The following SRSF10 variants were observed in gnomAD, a reference collection of about 807,000 sequenced individuals.
The protein encoded by SRSF10 is serine/arginine-rich splicing factor 10.
A neutral mutation model predicts 32.6 loss-of-function variants in SRSF10; 9 were observed. The observed-to-expected ratio is 0.28, with a 90% CI of 0.17 to 0.48. The LOEUF is 0.48. Ranked by LOEUF, SRSF10 falls within the 20% of genes least tolerant of loss-of-function variation. The pLI is 0.99. For missense variants in SRSF10, 201 were observed against 331.8 expected (o/e 0.61, Z 3.06); for synonymous variants, 105 against 112.4 (o/e 0.93, Z 0.42).
chr1:23,967,428 A>C lies in SRSF10; in HGVS notation c.*3714T>G, dbSNP rs1416891987. ...ACCTGTTACCCATGAATCAATATAA[A>C]CCTATTCATATTTAGGGATTAGTTT... On this transcript the variant is annotated 3_prime_UTR_variant, in exon 6 of 6. Coordinates refer to ENST00000492112, the MANE Select transcript of SRSF10 (RefSeq NM_054016.4). 2 of 451,846 alleles carry C rather than the reference A, an allele frequency of 4.4e-6. No homozygotes were observed. Among genetic ancestry groups the C allele is most frequent in the African/African-American group, 3.9e-5 (2 of 51,388 alleles). The allele number at this position is 451,846 out of a possible 1,614,324, so 28.0% of individuals were successfully genotyped here.
chr1:23,966,420 A>G lies in SRSF10; in HGVS notation c.*4722T>C, dbSNP rs1256306221. ...ATAGGTAAAGAAACATCATATCCTA[A>G]TAAGAAACTAAGGAATCCAAAACAT... On this transcript the variant is annotated 3_prime_UTR_variant, in exon 6 of 6. Coordinates refer to ENST00000492112, the MANE Select transcript of SRSF10 (RefSeq NM_054016.4). The G allele has an allele frequency of 2.6e-5, 4 of 152,140 alleles. No homozygotes were observed. The highest frequency in any genetic ancestry group is 6.5e-5 in the Admixed American group (1 of 15,282). The allele number at this position is 152,140 out of a possible 1,614,324, so 9.4% of individuals were successfully genotyped here. A position where few individuals can be genotyped will look rare whatever the true frequency, so the allele number is the denominator to read the frequency against.
intron 1 of SRSF10, among the ~76,000 whole-genome samples, 173 bp downstream of exon 1, chr1:23,980,018 C>G (rs1182019820): frequency 7.2e-5 from 11 of 152,350 alleles, no homozygotes; most frequent in Non-Finnish European, 1.5e-4. Flanking sequence ...GCCGCCCTCG[C>G]TCCCACGCGG....
intron 1 of SRSF10, chr1:23,979,057 G>GTTTTTTTTTTTTTTTTTTTTTTT (rs71655401): frequency 7.5e-6 from 1 of 133,982 alleles, no homozygotes; most frequent in Non-Finnish European, 1.6e-5. Context: ...TATAAGCCTT[G>GTTTTTTTTTTTTTTTTTTTTTTT]TTTTTTTTTT....
rs1172098199 is a variant in SRSF10, at chr1:23,970,503, G to A, written c.*639C>T. 3 of 503,250 alleles carry A rather than the reference G, an allele frequency of 6.0e-6. No homozygotes were observed. Among genetic ancestry groups the A allele is most frequent in the Non-Finnish European group, 7.7e-6 (3 of 390,138 alleles). 31.2% of individuals were successfully genotyped at this position (503,250 alleles called of 1,614,324 possible). ...AGCCTCCTGAGTAGCTGAGATTACAGGCATGTGCCACCATGCCCGGATAAT... is the reference window on the plus strand; with the variant it reads ...AGCCTCCTGAGTAGCTGAGATTACAAGCATGTGCCACCATGCCCGGATAAT... On this transcript the variant is annotated 3_prime_UTR_variant, in exon 6 of 6. Coordinates refer to ENST00000492112, the MANE Select transcript of SRSF10 (RefSeq NM_054016.4).
chr1:23,970,110 G>C lies in SRSF10; in HGVS notation c.*1032C>G. ...GGTCAACAACGCTCCTTAAACTTTA[G>C]AATAACTACATAAGAATATTCCTTT... On this transcript the variant is annotated 3_prime_UTR_variant, in exon 6 of 6. Transcript: ENST00000492112. The C allele has an allele frequency of 1.0e-6, 1 of 985,316 alleles. No homozygotes were observed. The highest frequency in any genetic ancestry group is 1.2e-6 in the Non-Finnish European group (1 of 829,880). 61.0% of individuals were successfully genotyped at this position (985,316 alleles called of 1,614,324 possible). A position where few individuals can be genotyped will look rare whatever the true frequency, so the allele number is the denominator to read the frequency against.
chr1:23,971,872 T>C lies in SRSF10; in HGVS notation c.415A>G (p.Arg139Gly). Residue 139 changes from arginine (R) to glycine (G), a missense_variant, in exon 4 of 6, where the codon AGA (arginine) becomes GGA (glycine). Arg to Gly is a moderately radical substitution (Grantham distance 125). Coordinates refer to ENST00000492112, the MANE Select transcript of SRSF10 (RefSeq NM_054016.4). Reference protein sequence around the residue: ...SRSRSFDYNYRRSYSPRNSRP... With the variant: ...SRSRSFDYNYGRSYSPRNSRP... ...TACTTTCTAGGACTATACGATCTTC[T>C]ATAGTTGTAATCAAAAGACCGACTT... is the stretch of plus-strand genomic sequence containing the variant. 7 of 1,609,262 alleles carry C rather than the reference T, an allele frequency of 4.3e-6. No homozygotes were observed. Among genetic ancestry groups the C allele is most frequent in the Non-Finnish European group, 5.9e-6 (7 of 1,178,624 alleles).
Position 23,969,746 on chromosome 1 carries a change from T to G in SRSF10, c.*1396A>C. On this transcript the variant is annotated 3_prime_UTR_variant, in exon 6 of 6. Transcript: ENST00000492112. ...ATTATAAATGGTTTAAGGGTATTAC[T>G]TCATTTTTAGTCAGGTACTACACTG... 1.0e-6 allele frequency: 1 copy of G among 985,394 alleles called. No individual in the cohort carries two copies. Among genetic ancestry groups the G allele is most frequent in the Non-Finnish European group, 1.2e-6 (1 of 829,860 alleles). The allele number at this position is 985,394 out of a possible 1,614,324, so 61.0% of individuals were successfully genotyped here.
chr1:23,970,938 G>A lies in SRSF10; in HGVS notation c.*204C>T. On this transcript the variant is annotated 3_prime_UTR_variant, in exon 6 of 6. Transcript: ENST00000492112. ...TATACAGAGACACCACAAATTGGTA[G>A]CTGCCCATAACATTAAACAAACTGG... 1 of 1,267,682 alleles carries A rather than the reference G, an allele frequency of 7.9e-7. No individual in the cohort carries two copies. The highest frequency in any genetic ancestry group is 9.9e-7 in the Non-Finnish European group (1 of 1,007,504). The allele number at this position is 1,267,682 out of a possible 1,614,324, so 78.5% of individuals were successfully genotyped here.
At position 23,969,967 on chromosome 1, in the gene SRSF10, C is replaced by A. The variant is rs1238022873; in HGVS notation, c.*1175G>T. On this transcript the variant is annotated 3_prime_UTR_variant, in exon 6 of 6. Coordinates refer to ENST00000492112, the MANE Select transcript of SRSF10 (RefSeq NM_054016.4). ...GCAGGCAAATTTTGATACAAATGCA[C>A]GAGCCAAGTGCTGTAAGCATCAAAA... 1 of 985,190 alleles carries A rather than the reference C, an allele frequency of 1.0e-6. No individual in the cohort carries two copies. The highest frequency in any genetic ancestry group is 1.7e-5 in the African/African-American group (1 of 57,178). 61.0% of individuals were successfully genotyped at this position (985,190 alleles called of 1,614,324 possible).
chr1:23,969,659 A>G lies in SRSF10; in HGVS notation c.*1483T>C. ...AAAGATGCTAGCTTTTTATTCTGAA[A>G]TGAAATTGGACATGTCAAGTCACTT... On this transcript the variant is annotated 3_prime_UTR_variant, in exon 6 of 6. Transcript: ENST00000492112. The G allele has an allele frequency of 1.0e-6, 1 of 985,120 alleles. No individual in the cohort carries two copies. The highest frequency in any genetic ancestry group is 1.1e-4 in the East Asian group (1 of 8,822). The allele number at this position is 985,120 out of a possible 1,614,324, so 61.0% of individuals were successfully genotyped here.
intron 2 of SRSF10, chr1:23,975,304 T>C (rs1247370295): frequency 2.1e-6 from 1 of 471,974 alleles, no homozygotes; most frequent in Admixed American, 3.8e-5. Context: ...GAATACATAT[T>C]GCAGTAAAGT....
At position 23,967,651 on chromosome 1, in the gene SRSF10, CT is replaced by C; in HGVS notation, c.*3490del. On this transcript the variant is annotated 3_prime_UTR_variant, in exon 6 of 6. Transcript: ENST00000492112. ...TCGCTTGAACTGCCCTTCTTTGGTT[CT>C]TTTTCCGCTTTCAGATCTTTCTTGA... 5.2e-6 allele frequency: 8 copies of C among 1,544,974 alleles called. No homozygotes were observed. The highest frequency in any genetic ancestry group is 2.2e-5 in the East Asian group (1 of 44,466).
At chr1:23,980,103 C>T (rs1203512064) in intron 1 of SRSF10, 88 bp downstream of exon 1, 12 of 1,381,122 alleles carry the variant, frequency 8.7e-6, no homozygotes, top group Non-Finnish European at 1.2e-5. Flanking sequence ...TCCGTCCCCT[C>T]CCCCGGCCCA....
Position 23,968,073 on chromosome 1 carries a change from A to G in SRSF10, c.*3069T>C, listed in dbSNP as rs1641543183. 1 of 1,493,620 alleles carries G rather than the reference A, an allele frequency of 6.7e-7. No individual in the cohort carries two copies. The highest frequency in any genetic ancestry group is 1.4e-5 in the African/African-American group (1 of 71,196). 92.5% of individuals were successfully genotyped at this position (1,493,620 alleles called of 1,614,324 possible). On this transcript the variant is annotated 3_prime_UTR_variant, in exon 6 of 6. Coordinates refer to ENST00000492112, the MANE Select transcript of SRSF10 (RefSeq NM_054016.4). ...TATTTATCATTGAGCCCAGTCATAC[A>G]CAGTAGGTAAACTCAGTAAGTGGGG...
Position 23,969,608 on chromosome 1 carries a change from C to T in SRSF10, c.*1534G>A. 5.1e-6 allele frequency: 5 copies of T among 985,192 alleles called. No homozygotes were observed. The highest frequency in any genetic ancestry group is 6.0e-6 in the Non-Finnish European group (5 of 829,702). 61.0% of individuals were successfully genotyped at this position (985,192 alleles called of 1,614,324 possible). On this transcript the variant is annotated 3_prime_UTR_variant, in exon 6 of 6. Transcript: ENST00000492112. ...GTTTGTCCATAATTCGTACTTGTAT[C>T]TGTAAGCAAGCAATCTGAGATTTTT...
rs1368486718 is a variant in SRSF10 at position 23,970,290 on chromosome 1, C to T, written c.*852G>A. 175 of 984,950 alleles carry T rather than the reference C, an allele frequency of 1.8e-4. 1 individual carries two copies. Among genetic ancestry groups the T allele is most frequent in the Non-Finnish European group, 3.7e-5 (31 of 829,924 alleles). The allele number at this position is 984,950 out of a possible 1,614,324, so 61.0% of individuals were successfully genotyped here. On this transcript the variant is annotated 3_prime_UTR_variant, in exon 6 of 6. Coordinates refer to ENST00000492112, the MANE Select transcript of SRSF10 (RefSeq NM_054016.4). ...TCAATTTCCCAGCTGGCATCATTCC[C>T]CAAGACAGTGGGGTTAACAAAAGAA...
intron 3 of SRSF10, among the ~76,000 whole-genome samples, chr1:23,972,365 C>T (rs925823554): frequency 1.5e-4 from 22 of 151,458 alleles, no homozygotes; most frequent in East Asian, 3.9e-4. Flanking sequence ...ATCACACCAC[C>T]GCACGCCAGC....
intron 3 of SRSF10, among the ~76,000 whole-genome samples, chr1:23,973,064 G>T (rs1641869148): frequency 6.6e-6 from 1 of 152,158 alleles, no homozygotes; most frequent in Non-Finnish European, 1.5e-5. Flanking sequence ...TGTTTTAGAG[G>T]TGTCTGTAGT....
At position 23,970,199 on chromosome 1, in the gene SRSF10, C is replaced by T; in HGVS notation, c.*943G>A. On this transcript the variant is annotated 3_prime_UTR_variant, in exon 6 of 6. Coordinates refer to ENST00000492112, the MANE Select transcript of SRSF10 (RefSeq NM_054016.4). ...ATTTTAAGGTGAGTTTTTGTGTTTT[C>T]TATGTTCCAAATCTTCATAGGAACC... is the stretch of plus-strand genomic sequence containing the variant. The T allele has an allele frequency of 3.0e-6, 3 of 985,232 alleles. No homozygotes were observed. The highest frequency in any genetic ancestry group is 3.6e-6 in the Non-Finnish European group (3 of 829,894). 61.0% of individuals were successfully genotyped at this position (985,232 alleles called of 1,614,324 possible).
Sources: allele counts gnomAD v4.1 joint callset (sites outside exome capture counted in the v4.1 genomes callset), GRCh38; gene constraint gnomAD v4.1.1; transcripts MANE v1.5; gene names NCBI Gene and HGNC (gene_info 2026-07-23, HGNC 2026-07-21).